PTPN9: variants seen among roughly 807,000 people sequenced by gnomAD.
The protein encoded by PTPN9 is protein tyrosine phosphatase non-receptor type 9.
In PTPN9, 26 loss-of-function variants were observed where a neutral mutation model predicts 69.8. That is an observed-to-expected ratio of 0.37 (90% CI 0.27 to 0.52). The LOEUF is 0.52. Among genes scored for constraint, PTPN9 ranks in the 20% least tolerant of loss-of-function variants. The pLI, the probability that PTPN9 is intolerant of heterozygous loss-of-function variation, is 0.91. For missense variants in PTPN9, 549 were observed against 740.3 expected (o/e 0.74, Z 3.00); for synonymous variants, 274 against 272.5 (o/e 1.01, Z -0.05).
intron 1 of PTPN9, among the ~76,000 whole-genome samples, chr15:75,528,167 C>T (rs1162506013): frequency 2.0e-5 from 3 of 152,082 alleles, no homozygotes; most frequent in Non-Finnish European, 4.4e-5. Context: ...AATAACAGCC[C>T]CTCTGGATAG....
intron 1 of PTPN9, among the ~76,000 whole-genome samples, chr15:75,565,149 AT>A (rs1055210866): frequency 9.1e-5 from 13 of 142,194 alleles, no homozygotes; most frequent in Non-Finnish European, 1.8e-4. Flanking sequence ...AATAATAATA[AT>A]TTTTTAAAAG....
intron 10 of PTPN9, 79 bp downstream of exon 10, chr15:75,473,610 G>A (rs771457692): frequency 2.5e-5 from 32 of 1,263,216 alleles, no homozygotes; most frequent in Non-Finnish European, 3.7e-5. Context: ...ATTTCTAAAA[G>A]CTAAACTTCC....
Position 75,467,135 on chromosome 15 carries a change from C to T in PTPN9, c.*1634G>A, listed in dbSNP as rs183212764. 5.9e-5 allele frequency: 9 copies of T among 152,402 alleles called. 1 individual carries two copies. The highest frequency in any genetic ancestry group is 5.2e-4 in the Admixed American group (8 of 15,252). 9.4% of individuals were successfully genotyped at this position (152,402 alleles called of 1,614,324 possible). On this transcript the variant is annotated 3_prime_UTR_variant, in exon 13 of 13. Transcript: ENST00000618819. ...GAAGCTAAAAGGGTTTTGATCATGTCGGTATATTTATATGTAAATACAAAA... is the reference window on the plus strand; with the variant it reads ...GAAGCTAAAAGGGTTTTGATCATGTTGGTATATTTATATGTAAATACAAAA...
intron 1 of PTPN9, among the ~76,000 whole-genome samples, chr15:75,564,461 TAGC>T (rs2075118169): frequency 1.3e-5 from 2 of 151,688 alleles, no homozygotes; most frequent in African/African-American, 4.8e-5. Context: ...CCAGGCGTGG[TAGC>T]GGGCGCCTGT....
chr15:75,533,848 T>G (rs1224956320), intron 1 of PTPN9, among the ~76,000 whole-genome samples: 3 of 152,152 alleles, frequency 2.0e-5, no homozygotes, highest in African/African-American at 7.2e-5. Context: ...GAGATGAGCT[T>G]TGGGCAAGGA....
At chr15:75,507,958 G>A (rs965838646) in intron 6 of PTPN9, among the ~76,000 whole-genome samples, 4 of 145,460 alleles carry the variant, frequency 2.7e-5, no homozygotes, top group Admixed American at 7.1e-5. Flanking sequence ...CAGAAGAATC[G>A]CTTGAACTCA....
intron 1 of PTPN9, among the ~76,000 whole-genome samples, chr15:75,555,680 T>C (rs1334018772): frequency 6.6e-6 from 1 of 151,898 alleles, no homozygotes; most frequent in East Asian, 1.9e-4. Flanking sequence ...AATTTATGTA[T>C]TTTTTGTAGA....
intron 1 of PTPN9, among the ~76,000 whole-genome samples, chr15:75,564,472 T>C (rs1000456983): frequency 6.6e-6 from 1 of 151,620 alleles, no homozygotes; most frequent in African/African-American, 2.4e-5. Context: ...AGCGGGCGCC[T>C]GTAGTCCCAG....
intron 1 of PTPN9, among the ~76,000 whole-genome samples, chr15:75,559,783 A>AAAAAAAAAAAAAG (rs925206692): frequency 7.0e-6 from 1 of 142,540 alleles, no homozygotes; most frequent in African/African-American, 2.6e-5. Context: ...AAAAAAAAAA[A>AAAAAAAAAAAAAG]AAGAAGAAAG....
Position 75,523,109 on chromosome 15 carries a change from C to A in PTPN9, c.422+12G>T. 1 of 1,605,736 alleles carries A rather than the reference C, an allele frequency of 6.2e-7. No homozygotes were observed. The highest frequency in any genetic ancestry group is 1.1e-5 in the South Asian group (1 of 88,820). The stretch of plus-strand genomic sequence containing the variant: ...GCATGTAGAATACCTAAAAAATAAT[C>A]TCAATGCTTACCTATCCACAGCTCT... On this transcript the variant is annotated intron_variant, in intron 4 of 12. Transcript: ENST00000618819.
At chr15:75,540,507 C>T (rs1034263281) in intron 1 of PTPN9, among the ~76,000 whole-genome samples, 8 of 143,268 alleles carry the variant, frequency 5.6e-5, no homozygotes, top group African/African-American at 1.1e-4. Flanking sequence ...GAGCTGAGAT[C>T]GCACCAGCCT....
At chr15:75,521,685 T>C (rs1256636480) in intron 4 of PTPN9, among the ~76,000 whole-genome samples, 10 of 152,162 alleles carry the variant, frequency 6.6e-5, no homozygotes, top group Non-Finnish European at 1.5e-4. Flanking sequence ...CACTCCAGCC[T>C]GGGTGACAAA....
chr15:75,530,155 G>A (rs572682941), intron 1 of PTPN9, among the ~76,000 whole-genome samples: 16 of 135,928 alleles, frequency 1.2e-4, no homozygotes, highest in South Asian at 2.2e-4. Flanking sequence ...AGCCAAGATC[G>A]CACCACTGCA....
intron 7 of PTPN9, among the ~76,000 whole-genome samples, chr15:75,503,890 G>A (rs1198670081): frequency 4.3e-5 from 5 of 116,514 alleles, no homozygotes; most frequent in African/African-American, 1.3e-4. Context: ...CAGCCGCCCC[G>A]TCCGGGAGGG....
chr15:75,531,673 C>G (rs1162906921), intron 1 of PTPN9, among the ~76,000 whole-genome samples: 1 of 151,954 alleles, frequency 6.6e-6, no homozygotes, highest in African/African-American at 2.4e-5. Flanking sequence ...AGCTCCACCT[C>G]CCGGGTTCAC....
chr15:75,470,423 T>TCCCA (rs1213294177), intron 11 of PTPN9, among the ~76,000 whole-genome samples: 1 of 152,258 alleles, frequency 6.6e-6, no homozygotes, highest in African/African-American at 2.4e-5. Context: ...CCCAGAGTGC[T>TCCCA]GGGATTATAG....
At chr15:75,518,299 A>G (rs1308073781) in intron 4 of PTPN9, among the ~76,000 whole-genome samples, 1 of 151,834 alleles carries the variant, frequency 6.6e-6, no homozygotes, top group African/African-American at 2.4e-5. Context: ...ATGCCACTGC[A>G]CTCCAGCCTG....
Position 75,568,525 on chromosome 15 carries a change from C to A in PTPN9, c.63+10189G>T, listed in dbSNP as rs866321367. Among the ~76,000 whole-genome samples, 294 of 133,734 alleles carry A rather than the reference C, an allele frequency of 2.2e-3. 1 individual carries two copies. The highest frequency in any genetic ancestry group is 5.6e-3 in the African/African-American group (206 of 36,944). 87.7% of individuals were successfully genotyped at this position (133,734 alleles called of 152,430 possible). A position where few individuals can be genotyped will look rare whatever the true frequency, so the allele number is the denominator to read the frequency against. On this transcript the variant is annotated intron_variant, in intron 1 of 12. Transcript: ENST00000618819. ...CTTGTCTCAAAAAAAAAAAAAAAAA[C>A]AAAACAAAAAAAAAACAACCTAATG...
chr15:75,469,744 C>A, intron 12 of PTPN9, 48 bp downstream of exon 12: 1 of 1,584,156 alleles, frequency 6.3e-7, no homozygotes, highest in South Asian at 1.1e-5. Context: ...TTTCCTCGTC[C>A]ACCCCTACTG....
Sources: allele counts gnomAD v4.1 joint callset (sites outside exome capture counted in the v4.1 genomes callset), GRCh38; gene constraint gnomAD v4.1.1; transcripts MANE v1.5; gene names NCBI Gene and HGNC (gene_info 2026-07-23, HGNC 2026-07-21).